CHRNA7: variants seen among roughly 807,000 people sequenced by gnomAD.
The protein encoded by CHRNA7 is cholinergic receptor nicotinic alpha 7 subunit, also known as neuronal acetylcholine receptor subunit alpha-7.
CHRNA7 carries 17 observed loss-of-function variants against 48.0 expected under a neutral mutation model. The ratio of observed to expected loss-of-function variants is 0.35; its 90% CI spans 0.24 to 0.53. The LOEUF is 0.53. CHRNA7 is among the 20% of genes least tolerant of loss of function. CHRNA7 has a pLI of 0.92. For synonymous variants in CHRNA7, 75 were observed against 242.3 expected, an observed-to-expected ratio of 0.31 and a Z score of 6.41; for missense variants, 155 against 577.7, an observed-to-expected ratio of 0.27 and a Z score of 7.50.
intron 3 of CHRNA7, among the ~76,000 whole-genome samples, chr15:32,103,435 A>T (rs1016128465): frequency 6.6e-6 from 1 of 151,496 alleles, no homozygotes; most frequent in African/African-American, 2.4e-5. Flanking sequence ...AAGAAAGAAA[A>T]AGAAAATGGA....
intron 2 of CHRNA7, among the ~76,000 whole-genome samples, chr15:32,042,218 G>C (rs1251651044): frequency 6.6e-6 from 1 of 152,046 alleles, no homozygotes; most frequent in Non-Finnish European, 1.5e-5. Flanking sequence ...TTTCCCTCTG[G>C]ACACGAACTT....
chr15:32,083,334 A>G (rs1411761270), intron 2 of CHRNA7, among the ~76,000 whole-genome samples: 1 of 152,052 alleles, frequency 6.6e-6, no homozygotes, highest in African/African-American at 2.4e-5. Context: ...GTCTTCCATC[A>G]TGGGATGTTG....
intron 4 of CHRNA7, among the ~76,000 whole-genome samples, chr15:32,133,958 C>T (rs1239413092): frequency 6.6e-6 from 1 of 152,152 alleles, no homozygotes; most frequent in Non-Finnish European, 1.5e-5. Flanking sequence ...ACATGCTCTG[C>T]AGATGGTGAT....
chr15:32,114,550 C>A (rs1414109727), intron 4 of CHRNA7, among the ~76,000 whole-genome samples: 2 of 152,208 alleles, frequency 1.3e-5, no homozygotes, highest in Non-Finnish European at 2.9e-5. Context: ...GAGGCTGCTT[C>A]AATTTCTGCT....
chr15:32,058,180 C>G (rs1296273249), intron 2 of CHRNA7, among the ~76,000 whole-genome samples: 1 of 152,166 alleles, frequency 6.6e-6, no homozygotes, highest in African/African-American at 2.4e-5. Flanking sequence ...GCAGGGTGCA[C>G]CTCCTTGCCT....
intron 2 of CHRNA7, among the ~76,000 whole-genome samples, chr15:32,068,521 A>C (rs769069751): frequency 1.2e-4 from 19 of 152,216 alleles, no homozygotes; most frequent in Non-Finnish European, 2.6e-4. Flanking sequence ...TAGTGAAGCT[A>C]GAGCTACAGT....
intron 2 of CHRNA7, among the ~76,000 whole-genome samples, chr15:32,051,744 C>G (rs1221423943): frequency 3.3e-5 from 5 of 152,230 alleles, no homozygotes; most frequent in Admixed American, 6.5e-5. Context: ...TTCTGCATTG[C>G]TCAGGCTGGG....
chr15:32,118,569 A>G (rs1481583076), intron 4 of CHRNA7, among the ~76,000 whole-genome samples: 1 of 152,240 alleles, frequency 6.6e-6, no homozygotes, highest in Non-Finnish European at 1.5e-5. Context: ...TTGCATCTTC[A>G]AAGTCATCCT....
At chr15:32,128,207 C>T (rs4779978) in intron 4 of CHRNA7, among the ~76,000 whole-genome samples, 50,876 of 151,776 alleles carry the variant, frequency 0.34, 8,793 homozygotes, top group South Asian at 0.41. Flanking sequence ...CGTATAGTAA[C>T]GCTTAACATT....
intron 4 of CHRNA7, among the ~76,000 whole-genome samples, chr15:32,148,635 T>C (rs2051544917): frequency 6.6e-6 from 1 of 152,224 alleles, no homozygotes; most frequent in African/African-American, 2.4e-5. Context: ...TCCCCCTGCC[T>C]ATACTGCCAT....
At chr15:32,068,030 A>G (rs1009171241) in intron 2 of CHRNA7, among the ~76,000 whole-genome samples, 4 of 152,172 alleles carry the variant, frequency 2.6e-5, no homozygotes, top group South Asian at 4.1e-4. Context: ...GAAAATAGCA[A>G]ACTGGGCACA....
intron 4 of CHRNA7, among the ~76,000 whole-genome samples, chr15:32,150,050 G>GT (rs2051590640): frequency 6.6e-6 from 1 of 151,976 alleles, no homozygotes. Flanking sequence ...AAATATTTAT[G>GT]TTTTTATTTT....
intron 2 of CHRNA7, among the ~76,000 whole-genome samples, chr15:32,070,931 C>T (rs2050048142): frequency 6.6e-6 from 1 of 151,910 alleles, no homozygotes; most frequent in Admixed American, 6.6e-5. Context: ...TCATGATCCG[C>T]CCATCTCAGC....
intron 2 of CHRNA7, among the ~76,000 whole-genome samples, chr15:32,053,610 A>T (rs1228796560): frequency 6.6e-6 from 1 of 152,110 alleles, no homozygotes; most frequent in Non-Finnish European, 1.5e-5. Context: ...CTCCTTGTTG[A>T]TTTTATTTTT....
At chr15:32,085,480 C>A (rs1514248) in intron 2 of CHRNA7, among the ~76,000 whole-genome samples, 1 of 152,136 alleles carries the variant, frequency 6.6e-6, no homozygotes, top group African/African-American at 2.4e-5. Context: ...TATTTAAAAT[C>A]GGGCATGTCT....
At chr15:32,085,822 G>C (rs2050286329) in intron 2 of CHRNA7, among the ~76,000 whole-genome samples, 1 of 152,146 alleles carries the variant, frequency 6.6e-6, no homozygotes, top group African/African-American at 2.4e-5. Context: ...AGATTCCAAA[G>C]TTGAAGTCCA....
chr15:32,041,352 CTG>C (rs1183959942), intron 2 of CHRNA7, among the ~76,000 whole-genome samples: 3 of 152,244 alleles, frequency 2.0e-5, no homozygotes, highest in African/African-American at 7.2e-5. Flanking sequence ...TGGGATGAAA[CTG>C]TTCCACCTCA....
At chr15:32,096,325 A>G (rs760193541) in intron 2 of CHRNA7, among the ~76,000 whole-genome samples, 6 of 151,978 alleles carry the variant, frequency 3.9e-5, no homozygotes, top group South Asian at 2.1e-4. Context: ...CCATTTTTCT[A>G]TTGGATTGCC....
intron 4 of CHRNA7, among the ~76,000 whole-genome samples, chr15:32,150,955 G>GT (rs2051615323): frequency 1.3e-5 from 2 of 152,068 alleles, no homozygotes; most frequent in Middle Eastern, 3.4e-3. Flanking sequence ...AAGGGGGGGG[G>GT]ATGTGTCCTT....
Sources: gnomAD v4.1 joint callset for allele counts (sites outside exome capture counted in the v4.1 genomes callset) on GRCh38, gnomAD v4.1.1 for gene constraint, MANE v1.5 for transcripts, NCBI Gene and HGNC (gene_info 2026-07-23, HGNC 2026-07-21) for gene names.